ERO1A: variants seen among roughly 807,000 people sequenced by gnomAD.
ERO1A encodes the protein ERO1-like protein alpha.
A neutral mutation model predicts 76.9 loss-of-function variants in ERO1A; 49 were observed. That is an observed-to-expected ratio of 0.64 (90% CI 0.51 to 0.81). The LOEUF is 0.81. Among genes scored for constraint, ERO1A ranks in the 30% least tolerant of loss-of-function variants. The pLI is 0.00. For synonymous variants in ERO1A, 174 were observed against 181.2 expected (o/e 0.96, Z 0.32); for missense variants, 448 against 542.1 (o/e 0.83, Z 1.72).
In ERO1A at chr14:52,653,085, T is replaced by C; in HGVS notation, c.1039A>G (p.Ile347Val). 6.6e-7 allele frequency: 1 copy of C among 1,523,680 alleles called. No homozygotes were observed. Among genetic ancestry groups the C allele is most frequent in the Non-Finnish European group, 9.1e-7 (1 of 1,098,662 alleles). 94.4% of individuals were successfully genotyped at this position (1,523,680 alleles called of 1,614,324 possible). A position where few individuals can be genotyped will look rare whatever the true frequency, so the allele number is the denominator to read the frequency against. The change falls in exon 12 of 16, where the codon ATA becomes GTA. Residue 347 changes from isoleucine to valine, a missense_variant. Around this residue, in one of 2 missense-constraint regions of ERO1A, gnomAD observed 302 missense variants for 411.9 expected, o/e 0.73. Transcript: ENST00000395686. ...ATAATTTACTTGATTTCATGAAGTATTTCCAGAAGTAACATTTTGTTTTCC... is the reference window on the plus strand; with the variant it reads ...ATAATTTACTTGATTTCATGAAGTACTTCCAGAAGTAACATTTTGTTTTCC... ...DEENKMLLLE[I>V]LHEIKSFPLH...
At chr14:52,688,693 C>A (rs1189374319) in intron 1 of ERO1A, among the ~76,000 whole-genome samples, 6 of 152,136 alleles carry the variant, frequency 3.9e-5, no homozygotes. Context: ...GAACAAAGAA[C>A]TAGATAACCA....
At chr14:52,657,627 T>C (rs186429377) in intron 11 of ERO1A, among the ~76,000 whole-genome samples, 245 of 152,268 alleles carry the variant, frequency 1.6e-3, no homozygotes, top group African/African-American at 5.8e-3. Flanking sequence ...AATAGCAAAC[T>C]GTGCTGTTAG....
chr14:52,661,575 A>AG (rs1329134632), intron 8 of ERO1A, among the ~76,000 whole-genome samples: 1 of 152,196 alleles, frequency 6.6e-6, no homozygotes, highest in African/African-American at 2.4e-5. Context: ...CTGACAGGAG[A>AG]GAAAAAACTA....
chr14:52,680,094 A>C (rs1171093663), intron 3 of ERO1A, among the ~76,000 whole-genome samples: 244 of 151,772 alleles, frequency 1.6e-3, no homozygotes, highest in African/African-American at 5.5e-3. Flanking sequence ...AAAAAAAAAA[A>C]AAAAAAAAAC....
Position 52,671,114 on chromosome 14 carries a change from G to A in ERO1A, c.508+516C>T, listed in dbSNP as rs187558939. ...CATTTATACTTGTCCTTTGGTGCCT[G>A]ACCTATTTCACTTAGCATGTTGTCA... On this transcript the variant is annotated intron_variant, in intron 6 of 15. Coordinates refer to ENST00000395686, the MANE Select transcript of ERO1A (RefSeq NM_014584.3). Among the ~76,000 whole-genome samples the A allele has an allele frequency of 6.6e-4, 100 of 152,306 alleles. 1 individual carries two copies. The East Asian group carries it at 0.016, about 24-fold the overall frequency.
Position 52,643,804 on chromosome 14 carries a change from C to T in ERO1A, c.1347-174G>A, listed in dbSNP as rs563557789. ...TAGTTCTTAATTCGACAAGGTAAAA[C>T]TAAGATATTAATGTCTAGAAATTAG... is the stretch of plus-strand genomic sequence containing the variant. On this transcript the variant is annotated intron_variant, in intron 15 of 15. Transcript: ENST00000395686. 2.6e-5 allele frequency among the ~76,000 whole-genome samples: 4 copies of T among 152,198 alleles called. No individual in the cohort carries two copies. The South Asian group carries it at 8.3e-4, about 32-fold the overall frequency.
chr14:52,658,329 T>G (rs1413371624), intron 9 of ERO1A, 179 bp from the exon 10 acceptor site: 5 of 560,542 alleles, frequency 8.9e-6, no homozygotes, highest in Non-Finnish European at 1.6e-5. Flanking sequence ...ATGGATTCAG[T>G]TAAGTACCAG....
At position 52,647,142 on chromosome 14, in the gene ERO1A, A is replaced by ATTTTTTTTTT. The variant is rs58456682; in HGVS notation, c.1126-691_1126-682dup. On this transcript the variant is annotated intron_variant, in intron 13 of 15. Transcript: ENST00000395686. Reference sequence around the variant, plus strand: ...AGGCACCTGCCACCACGCCCAGCTAATTTTTTTTTTTTTTTTTTTTTTTTT... The same window carrying ATTTTTTTTTT: ...AGGCACCTGCCACCACGCCCAGCTAATTTTTTTTTTTTTTTTTTTTTTTTTTTTTTTTTTT... 28 of 62,196 alleles carry ATTTTTTTTTT rather than the reference A, an allele frequency of 4.5e-4. 1 individual carries two copies. Among genetic ancestry groups the ATTTTTTTTTT allele is most frequent in the African/African-American group, 1.4e-3 (22 of 15,778 alleles). The allele number at this position is 62,196 out of a possible 1,614,324, so 3.9% of individuals were successfully genotyped here.
At chr14:52,691,238 T>C (rs1225354391) in intron 1 of ERO1A, among the ~76,000 whole-genome samples, 1 of 152,244 alleles carries the variant, frequency 6.6e-6, no homozygotes, top group Non-Finnish European at 1.5e-5. Flanking sequence ...AGAAGTACAC[T>C]GGGACAAGTC....
At chr14:52,688,448 G>C (rs1390452425) in intron 1 of ERO1A, among the ~76,000 whole-genome samples, 1 of 152,110 alleles carries the variant, frequency 6.6e-6, no homozygotes, top group Non-Finnish European at 1.5e-5. Flanking sequence ...CATCTTAATA[G>C]AAAATAGTAA....
intron 15 of ERO1A, 58 bp downstream of exon 15, chr14:52,646,096 T>C: frequency 6.5e-7 from 1 of 1,541,212 alleles, no homozygotes; most frequent in Non-Finnish European, 8.8e-7. Context: ...TCTGAGAGCA[T>C]ATATGTTGCA....
At chr14:52,678,302 C>A in intron 4 of ERO1A, 132 bp downstream of exon 4, 3 of 556,898 alleles carry the variant, frequency 5.4e-6, no homozygotes, top group Non-Finnish European at 9.8e-6. Context: ...AGAAAGAGAG[C>A]CATTCAGCAT....
intron 5 of ERO1A, 24 bp downstream of exon 5, chr14:52,671,771 T>C: frequency 6.3e-7 from 1 of 1,593,208 alleles, no homozygotes; most frequent in Non-Finnish European, 8.6e-7. Flanking sequence ...AAACATGAAA[T>C]ACTGCTGAAA....
At chr14:52,695,148 C>A (rs2041507554) in intron 1 of ERO1A, among the ~76,000 whole-genome samples, 1 of 152,206 alleles carries the variant, frequency 6.6e-6, no homozygotes, top group South Asian at 2.1e-4. Flanking sequence ...TCTCCTGGTC[C>A]GAGGCACCGG....
At chr14:52,672,628 G>A (rs2040640409) in intron 4 of ERO1A, among the ~76,000 whole-genome samples, 1 of 151,734 alleles carries the variant, frequency 6.6e-6, no homozygotes, top group Admixed American at 6.6e-5. Context: ...TAATTAGCTG[G>A]ACATGGTGGC....
At chr14:52,666,323 A>T in intron 7 of ERO1A, 52 bp downstream of exon 7, 1 of 1,310,162 alleles carries the variant, frequency 7.6e-7, no homozygotes, top group Non-Finnish European at 1.1e-6. Context: ...TTGTTTATAA[A>T]GAGAAATCAC....
At chr14:52,686,600 G>A (rs373504655) in intron 1 of ERO1A, among the ~76,000 whole-genome samples, 11 of 152,102 alleles carry the variant, frequency 7.2e-5, no homozygotes, top group Admixed American at 2.6e-4. Context: ...GTTCTTGGCC[G>A]GGCACAGTGG....
chr14:52,686,082 C>A (rs546044137), intron 1 of ERO1A, among the ~76,000 whole-genome samples: 1 of 152,300 alleles, frequency 6.6e-6, no homozygotes, highest in East Asian at 1.9e-4. Flanking sequence ...CATGGTGGCC[C>A]ATGCCTGTTG....
In ERO1A at chr14:52,641,706, T is replaced by C. The variant is rs893538647; in HGVS notation, c.*1864A>G. 6.6e-6 allele frequency: 1 copy of C among 152,136 alleles called. No individual in the cohort carries two copies. Among genetic ancestry groups the C allele is most frequent in the African/African-American group, 2.4e-5 (1 of 41,442 alleles). 9.4% of individuals were successfully genotyped at this position (152,136 alleles called of 1,614,324 possible). On this transcript the variant is annotated 3_prime_UTR_variant, in exon 16 of 16. Transcript: ENST00000395686. ...ATTTGAACCCACACTGTATTTATAT[T>C]TTATATAGAGTGATCACTTCATAGT...
Sources: gnomAD v4.1 joint callset for allele counts (sites outside exome capture counted in the v4.1 genomes callset) on GRCh38, gnomAD v4.1.1 for gene constraint, gnomAD v4.1.1 regional missense constraint, MANE v1.5 for transcripts, NCBI Gene and HGNC (gene_info 2026-07-23, HGNC 2026-07-21) for gene names.